Variants in POU2F3 observed in about 807,000 individuals in gnomAD.
The protein encoded by POU2F3 is POU class 2 homeobox 3.
In POU2F3, 23 loss-of-function variants were observed where a neutral mutation model predicts 59.2. That is an observed-to-expected ratio of 0.39 (90% CI 0.28 to 0.55). The LOEUF (loss-of-function observed/expected upper bound fraction) is 0.55, where lower values mean the gene tolerates loss of function less well. Ranked by LOEUF, POU2F3 falls within the 20% of genes least tolerant of loss-of-function variation. POU2F3 has a pLI of 0.66. For missense variants in POU2F3, 473 were observed against 544.5 expected, an observed-to-expected ratio of 0.87 and a Z score of 1.31; for synonymous variants, 190 against 214.6, an observed-to-expected ratio of 0.89 and a Z score of 1.00.
intron 2 of POU2F3, among the ~76,000 whole-genome samples, chr11:120,263,815 C>G (rs554166314): frequency 6.6e-6 from 1 of 152,264 alleles, no homozygotes; most frequent in Admixed American, 6.5e-5. Context: ...AAAGACGGAG[C>G]CAGGGCTTGG....
intron 2 of POU2F3, among the ~76,000 whole-genome samples, chr11:120,263,973 C>T (rs1455557300): frequency 6.6e-6 from 1 of 152,044 alleles, no homozygotes; most frequent in Non-Finnish European, 1.5e-5. Context: ...ACACTTGGGG[C>T]ATAAAGATGA....
At chr11:120,246,719 C>A (rs1020527283) in intron 2 of POU2F3, among the ~76,000 whole-genome samples, 3 of 152,126 alleles carry the variant, frequency 2.0e-5, no homozygotes, top group African/African-American at 4.8e-5. Context: ...CACAGTGGAA[C>A]AAAACCTCTG....
chr11:120,260,389 C>T (rs1208844400), intron 2 of POU2F3, among the ~76,000 whole-genome samples: 1 of 152,204 alleles, frequency 6.6e-6, no homozygotes, highest in African/African-American at 2.4e-5. Context: ...TGGTGGGCAT[C>T]CACGGTGTCC....
At chr11:120,305,992 G>A (rs1565387044) in intron 8 of POU2F3, among the ~76,000 whole-genome samples, 1 of 152,182 alleles carries the variant, frequency 6.6e-6, no homozygotes, top group African/African-American at 2.4e-5. Context: ...TCAGAAGGAT[G>A]TGGATTTAGG....
At chr11:120,258,153 G>A (rs940056973) in intron 2 of POU2F3, among the ~76,000 whole-genome samples, 7 of 152,104 alleles carry the variant, frequency 4.6e-5, no homozygotes, top group African/African-American at 1.4e-4. Context: ...GAGAGCCAGC[G>A]CCCAGCTGAA....
Position 120,276,836 on chromosome 11 carries a change from G to A in POU2F3, c.132+7592G>A, listed in dbSNP as rs114869291. ...ACATCCACTAGGCACAGATAGAGCC[G>A]GCAGAAAACAGACCTGAAAGCACCC... On this transcript the variant is annotated intron_variant, in intron 3 of 12. Transcript: ENST00000543440. 7.3e-3 allele frequency among the ~76,000 whole-genome samples: 1,110 copies of A among 152,042 alleles called. 12 individuals carry two copies. The highest frequency in any genetic ancestry group is 0.025 in the African/African-American group (1,049 of 41,448).
At chr11:120,306,435 G>A (rs1941491072) in intron 8 of POU2F3, among the ~76,000 whole-genome samples, 1 of 152,150 alleles carries the variant, frequency 6.6e-6, no homozygotes, top group Non-Finnish European at 1.5e-5. Context: ...TGGCACTATA[G>A]ACATCCTGGG....
intron 3 of POU2F3, among the ~76,000 whole-genome samples, chr11:120,281,974 T>C (rs1940589259): frequency 6.6e-6 from 1 of 152,224 alleles, no homozygotes; most frequent in African/African-American, 2.4e-5. Flanking sequence ...TTGTTGTTAT[T>C]CCCATTGCAA....
rs1432087982 is a variant in POU2F3 at position 120,309,455 on chromosome 11, A to G, written c.937A>G (p.Met313Val). ...AAAACCCAGCTCGGAGGAGATCTCCATGATTGCAGAGCAGTTGTCCATGGA... is the reference window on the plus strand; with the variant it reads ...AAAACCCAGCTCGGAGGAGATCTCCGTGATTGCAGAGCAGTTGTCCATGGA... ...NPKPSSEEIS[M>V]IAEQLSMEKE... Residue 313 changes from methionine (M) to valine (V), a missense_variant, in exon 10 of 13, where the codon ATG becomes GTG. By Grantham distance (21) the Met-to-Val change is conservative (BLOSUM62 1). Coordinates refer to ENST00000543440, the MANE Select transcript of POU2F3 (RefSeq NM_014352.4). 7.4e-6 allele frequency: 12 copies of G among 1,613,870 alleles called. No individual in the cohort carries two copies. The highest frequency in any genetic ancestry group is 2.2e-5 in the East Asian group (1 of 44,876).
intron 2 of POU2F3, among the ~76,000 whole-genome samples, chr11:120,255,381 G>A (rs1016249025): frequency 6.6e-6 from 1 of 152,062 alleles, no homozygotes; most frequent in Admixed American, 6.5e-5. Context: ...AGAGAGGTGC[G>A]GAAAGGAGAG....
At chr11:120,281,037 C>T (rs1940547522) in intron 3 of POU2F3, among the ~76,000 whole-genome samples, 1 of 152,136 alleles carries the variant, frequency 6.6e-6, no homozygotes, top group South Asian at 2.1e-4. Flanking sequence ...GCCTGCAGCT[C>T]TTGTAACCAA....
At chr11:120,252,487 C>T (rs1028381828) in intron 2 of POU2F3, among the ~76,000 whole-genome samples, 8 of 152,208 alleles carry the variant, frequency 5.3e-5, no homozygotes, top group African/African-American at 1.9e-4. Context: ...GGATTACAGG[C>T]ATGAGCCTCC....
At chr11:120,315,923 A>C (rs538254337) in intron 11 of POU2F3, among the ~76,000 whole-genome samples, 25 of 137,350 alleles carry the variant, frequency 1.8e-4, no homozygotes, top group African/African-American at 6.4e-4. Flanking sequence ...CCCAGGCTGC[A>C]GTGCAATGGC....
At chr11:120,276,349 G>T (rs1940324660) in intron 3 of POU2F3, among the ~76,000 whole-genome samples, 1 of 152,178 alleles carries the variant, frequency 6.6e-6, no homozygotes, top group African/African-American at 2.4e-5. Context: ...CGCAGAGAGG[G>T]AGGTCAGTGG....
chr11:120,314,774 T>TA (rs1234894618), intron 10 of POU2F3, among the ~76,000 whole-genome samples: 2 of 152,194 alleles, frequency 1.3e-5, no homozygotes, highest in African/African-American at 4.8e-5. Flanking sequence ...GGTCCCTTTC[T>TA]AATCTCAGAG....
intron 2 of POU2F3, among the ~76,000 whole-genome samples, chr11:120,266,910 G>C (rs948827859): frequency 2.0e-5 from 3 of 152,246 alleles, no homozygotes; most frequent in Admixed American, 1.3e-4. Flanking sequence ...GCCTGGAACA[G>C]CACCTTGCAC....
intron 2 of POU2F3, among the ~76,000 whole-genome samples, chr11:120,249,002 TGAAATCCCCAAG>T: frequency 6.6e-6 from 1 of 152,286 alleles, no homozygotes; most frequent in East Asian, 1.9e-4. Context: ...CTGTGCTGCG[TGAAATCCCCAAG>T]GGGTACTGGG....
chr11:120,305,531 G>C, intron 7 of POU2F3, 113 bp from the exon 8 acceptor site: 1 of 1,445,986 alleles, frequency 6.9e-7, no homozygotes, highest in Non-Finnish European at 9.4e-7. Flanking sequence ...GCATGGGTGA[G>C]CACTCAAAGA....
intron 2 of POU2F3, among the ~76,000 whole-genome samples, chr11:120,248,519 C>T (rs1450780531): frequency 6.6e-6 from 1 of 152,170 alleles, no homozygotes; most frequent in Non-Finnish European, 1.5e-5. Flanking sequence ...CTGAGTACTT[C>T]TGGCTCATTC....
Sources: allele counts gnomAD v4.1 joint callset (sites outside exome capture counted in the v4.1 genomes callset), GRCh38; gene constraint gnomAD v4.1.1; transcripts MANE v1.5; gene names NCBI Gene and HGNC (gene_info 2026-07-23, HGNC 2026-07-21).